Variants in SHISA6 observed in about 807,000 individuals in gnomAD.
SHISA6 encodes the protein protein shisa-6.
A neutral mutation model predicts 47.9 loss-of-function variants in SHISA6; 22 were observed. That is an observed-to-expected ratio of 0.46 (90% CI 0.33 to 0.66). The LOEUF (loss-of-function observed/expected upper bound fraction) is 0.66. Among genes scored for constraint, SHISA6 ranks in the 30% least tolerant of loss-of-function variants. The pLI is 0.02. For missense variants in SHISA6, 680 were observed against 764.6 expected (o/e 0.89, Z 1.30); for synonymous variants, 388 against 337.8 (o/e 1.15, Z -1.63).
intron 3 of SHISA6, among the ~76,000 whole-genome samples, chr17:11,528,739 A>G (rs569036896): frequency 7.9e-5 from 12 of 152,344 alleles, no homozygotes; most frequent in South Asian, 2.1e-4. Flanking sequence ...CCAAGACCCA[A>G]GGAGATGCTT....
chr17:11,513,438 A>G (rs1215311633), intron 3 of SHISA6, among the ~76,000 whole-genome samples: 3 of 152,148 alleles, frequency 2.0e-5, no homozygotes, highest in African/African-American at 7.2e-5. Flanking sequence ...AACTCTTCGA[A>G]TATTTCTTCT....
chr17:11,397,980 C>T (rs1913631424), intron 3 of SHISA6, among the ~76,000 whole-genome samples: 1 of 151,502 alleles, frequency 6.6e-6, no homozygotes, highest in Non-Finnish European at 1.5e-5. Flanking sequence ...TAAATTTTTC[C>T]TTTCTGCTGG....
At chr17:11,375,721 G>T (rs1912776763) in intron 2 of SHISA6, among the ~76,000 whole-genome samples, 2 of 152,150 alleles carry the variant, frequency 1.3e-5, no homozygotes, top group Non-Finnish European at 2.9e-5. Context: ...CTGTCTCTAG[G>T]ACTTCTGAAT....
chr17:11,476,313 T>C (rs181577267), intron 3 of SHISA6, among the ~76,000 whole-genome samples: 7 of 151,244 alleles, frequency 4.6e-5, no homozygotes, highest in Non-Finnish European at 1.0e-4. Context: ...TTATTGCTTC[T>C]TTACTTCTGT....
At chr17:11,346,521 G>C (rs1308574980) in intron 2 of SHISA6, among the ~76,000 whole-genome samples, 1 of 152,110 alleles carries the variant, frequency 6.6e-6, no homozygotes, top group East Asian at 1.9e-4. Context: ...TTGAAAATTT[G>C]AATCTGTTTG....
intron 3 of SHISA6, among the ~76,000 whole-genome samples, chr17:11,402,072 C>T (rs1207377280): frequency 6.6e-6 from 1 of 152,152 alleles, no homozygotes; most frequent in Non-Finnish European, 1.5e-5. Context: ...GTAAGGGGCT[C>T]CTAACTTGGG....
intron 2 of SHISA6, among the ~76,000 whole-genome samples, chr17:11,296,551 A>T (rs542861357): frequency 6.6e-6 from 1 of 152,284 alleles, no homozygotes; most frequent in East Asian, 1.9e-4. Flanking sequence ...CCAGTGCTGG[A>T]TGCTGGAAAT....
At chr17:11,249,844 C>G (rs1305070317) in intron 1 of SHISA6, among the ~76,000 whole-genome samples, 1 of 152,192 alleles carries the variant, frequency 6.6e-6, no homozygotes, top group Non-Finnish European at 1.5e-5. Flanking sequence ...GAGACTTGCT[C>G]TCCTAGGAGC....
chr17:11,376,071 C>G (rs971893481), intron 2 of SHISA6, among the ~76,000 whole-genome samples: 1 of 152,150 alleles, frequency 6.6e-6, no homozygotes, highest in African/African-American at 2.4e-5. Flanking sequence ...GGTTGTTTCT[C>G]TTGAACTGCA....
At chr17:11,460,031 A>C (rs1900067017) in intron 3 of SHISA6, among the ~76,000 whole-genome samples, 1 of 152,248 alleles carries the variant, frequency 6.6e-6, no homozygotes, top group Admixed American at 6.5e-5. Flanking sequence ...AACGTTAAGC[A>C]ACAAACATGA....
intron 1 of SHISA6, among the ~76,000 whole-genome samples, chr17:11,256,959 G>C (rs1259578786): frequency 6.6e-6 from 1 of 152,196 alleles, no homozygotes; most frequent in Non-Finnish European, 1.5e-5. Context: ...AAACAAAACA[G>C]GCAGGCCGTG....
At chr17:11,252,027 G>C (rs537494148) in intron 1 of SHISA6, among the ~76,000 whole-genome samples, 1 of 152,104 alleles carries the variant, frequency 6.6e-6, no homozygotes, top group Non-Finnish European at 1.5e-5. Context: ...CTAGTCTTCC[G>C]CAGGAACCCA....
intron 3 of SHISA6, among the ~76,000 whole-genome samples, chr17:11,422,424 C>T (rs867856018): frequency 6.6e-6 from 1 of 152,162 alleles, no homozygotes; most frequent in South Asian, 2.1e-4. Flanking sequence ...GCTCAGAGCT[C>T]AACCAAGATT....
intron 3 of SHISA6, among the ~76,000 whole-genome samples, chr17:11,428,307 G>T (rs1914656689): frequency 6.6e-6 from 1 of 152,234 alleles, no homozygotes; most frequent in South Asian, 2.1e-4. Context: ...GAGAAATGTG[G>T]ATGTGCTCAG....
chr17:11,303,506 C>T (rs1910000630), intron 2 of SHISA6, among the ~76,000 whole-genome samples: 1 of 151,584 alleles, frequency 6.6e-6, no homozygotes, highest in African/African-American at 2.4e-5. Flanking sequence ...TGACTGTGAG[C>T]ATGGTTGAGT....
At chr17:11,527,689 C>G (rs1206077631) in intron 3 of SHISA6, among the ~76,000 whole-genome samples, 1 of 152,164 alleles carries the variant, frequency 6.6e-6, no homozygotes, top group Non-Finnish European at 1.5e-5. Flanking sequence ...TATTGGAATA[C>G]AGTTTCACTT....
intron 3 of SHISA6, among the ~76,000 whole-genome samples, chr17:11,451,123 G>T (rs11871111): frequency 4.0e-5 from 6 of 151,818 alleles, no homozygotes; most frequent in African/African-American, 7.3e-5. Flanking sequence ...TGACCCTGCT[G>T]GTCACTGTGC....
At chr17:11,263,567 G>T (rs1030650203) in intron 2 of SHISA6, 41 bp downstream of exon 2, 1 of 1,549,488 alleles carries the variant, frequency 6.5e-7, no homozygotes, top group Admixed American at 2.0e-5. Flanking sequence ...GCTGAGGCTG[G>T]TGAGAGGTTT....
chr17:11,253,631 C>T (rs1168981647), intron 1 of SHISA6, among the ~76,000 whole-genome samples: 1 of 152,072 alleles, frequency 6.6e-6, no homozygotes, highest in Non-Finnish European at 1.5e-5. Flanking sequence ...ATTAGCCTGC[C>T]CTTATTTCTA....
Sources: gnomAD v4.1 joint callset for allele counts (sites outside exome capture counted in the v4.1 genomes callset) on GRCh38, gnomAD v4.1.1 for gene constraint, MANE v1.5 for transcripts, NCBI Gene and HGNC (gene_info 2026-07-23, HGNC 2026-07-21) for gene names.